Variants in CYP26B1 observed in about 807,000 individuals in gnomAD.
The protein encoded by CYP26B1 is cytochrome P450 family 26 subfamily B member 1, also known as cytochrome P450 26B1.
A neutral mutation model predicts 39.1 loss-of-function variants in CYP26B1; 8 were observed. The observed-to-expected ratio is 0.20, with a 90% CI of 0.12 to 0.37. The LOEUF (loss-of-function observed/expected upper bound fraction) is 0.37. Ranked by LOEUF, CYP26B1 falls within the 10% of genes least tolerant of loss-of-function variation. The probability of loss-of-function intolerance (pLI) is 1.00; values close to 1 mark genes in which losing one functional copy is unlikely to be tolerated. For missense variants in CYP26B1, 615 were observed against 707.0 expected (o/e 0.87, Z 1.48); for synonymous variants, 321 against 314.3 (o/e 1.02, Z -0.23).
intron 2 of CYP26B1, among the ~76,000 whole-genome samples, chr2:72,140,170 T>C (rs1381322353): frequency 1.3e-5 from 2 of 152,062 alleles, no homozygotes; most frequent in Non-Finnish European, 2.9e-5. Context: ...CTCCCTGCCT[T>C]GGGAGAAGGA....
rs374316030 is a variant in CYP26B1, at chr2:72,132,738, C to T, written c.1147-119G>A. On this transcript the variant is annotated intron_variant, in intron 5 of 5. Transcript: ENST00000001146. ...TTCAAGACCTGCCTTTTCTTAGAGA[C>T]ACCCCACTGTGGCCCCCAAGGCCTG... 946 of 1,489,008 alleles carry T rather than the reference C, an allele frequency of 6.4e-4. 6 individuals carry two copies. In the African/African-American group the frequency reaches 0.012, roughly 18 times the overall value. The allele number at this position is 1,489,008 out of a possible 1,614,324, so 92.2% of individuals were successfully genotyped here. A position where few individuals can be genotyped will look rare whatever the true frequency, so the allele number is the denominator to read the frequency against.
intron 2 of CYP26B1, among the ~76,000 whole-genome samples, chr2:72,140,329 G>T (rs1024693638): frequency 6.6e-6 from 1 of 152,232 alleles, no homozygotes; most frequent in Non-Finnish European, 1.5e-5. Context: ...CTGACCTTCA[G>T]ATAGATCCGC....
intron 2 of CYP26B1, among the ~76,000 whole-genome samples, chr2:72,139,228 G>A (rs892229765): frequency 5.9e-5 from 9 of 152,186 alleles, no homozygotes; most frequent in Non-Finnish European, 5.9e-5. Flanking sequence ...CCAAGCCACC[G>A]GAGCCTCGGC....
chr2:72,138,965 T>TC (rs1219947767), intron 2 of CYP26B1, among the ~76,000 whole-genome samples: 1 of 152,170 alleles, frequency 6.6e-6, no homozygotes, highest in Non-Finnish European at 1.5e-5. Context: ...CCAGGCCTCC[T>TC]CACCCCTCCT....
At chr2:72,146,659 A>C (rs1406833640) in intron 1 of CYP26B1, among the ~76,000 whole-genome samples, 1 of 152,218 alleles carries the variant, frequency 6.6e-6, no homozygotes, top group East Asian at 1.9e-4. Flanking sequence ...TGTCAGTTTC[A>C]GGACATCCCT....
At chr2:72,137,841 G>A (rs73942510) in intron 2 of CYP26B1, among the ~76,000 whole-genome samples, 19 of 152,314 alleles carry the variant, frequency 1.2e-4, no homozygotes, top group Admixed American at 4.6e-4. Flanking sequence ...AGAATAAGCC[G>A]GAAAAGCCAC....
intron 1 of CYP26B1, chr2:72,144,540 A>G: frequency 1.4e-6 from 1 of 711,124 alleles, no homozygotes. Flanking sequence ...CCACCCCCAC[A>G]CCCCCACCCC....
chr2:72,143,063 C>T (rs1465957116), intron 2 of CYP26B1: 1 of 167,142 alleles, frequency 6.0e-6, no homozygotes, highest in East Asian at 1.9e-4. Context: ...CCCCACCTCC[C>T]CGGTCTGCCA....
In CYP26B1 at chr2:72,132,344, G is replaced by C. The variant is rs773244226; in HGVS notation, c.1422C>G (p.Ile474Met). The C allele has an allele frequency of 2.5e-6, 4 of 1,610,708 alleles. No individual in the cohort carries two copies. The highest frequency in any genetic ancestry group is 3.4e-6 in the Non-Finnish European group (4 of 1,178,064). ...FELATRTFPR[I>M]TLVPVLHPVD... ...CGGGGTGCAGGACGGGGACCAAGGT[G>C]ATGCGGGGGAAGGTCCGTGTGGCCA... The change falls in exon 6 of 6, where the codon ATC becomes ATG. Residue 474 changes from isoleucine to methionine, a missense_variant. Ile to Met is a conservative substitution (Grantham distance 10). Transcript: ENST00000001146.
chr2:72,142,152 C>T (rs1461016628), intron 2 of CYP26B1, among the ~76,000 whole-genome samples: 1 of 152,040 alleles, frequency 6.6e-6, no homozygotes, highest in Non-Finnish European at 1.5e-5. Context: ...TCTCCCTCCC[C>T]TCTAAATGGA....
chr2:72,138,255 C>T (rs922150666), intron 2 of CYP26B1, among the ~76,000 whole-genome samples: 6 of 152,132 alleles, frequency 3.9e-5, no homozygotes, highest in Admixed American at 3.3e-4. Flanking sequence ...GGTCTGTGCC[C>T]GGGGGGTAAC....
At chr2:72,142,027 T>G (rs1209329721) in intron 2 of CYP26B1, among the ~76,000 whole-genome samples, 1 of 152,082 alleles carries the variant, frequency 6.6e-6, no homozygotes, top group Non-Finnish European at 1.5e-5. Flanking sequence ...CTGTTCTGAA[T>G]AGGGAGCCAT....
chr2:72,134,736 C>T (rs2241058), intron 4 of CYP26B1, 25 bp downstream of exon 4: 22 of 1,602,924 alleles, frequency 1.4e-5, no homozygotes, highest in Non-Finnish European at 1.9e-5. Context: ...TGGTGCTGCC[C>T]GTGAGGGGCA....
chr2:72,142,091 C>G (rs1676959502), intron 2 of CYP26B1, among the ~76,000 whole-genome samples: 1 of 151,956 alleles, frequency 6.6e-6, no homozygotes. Flanking sequence ...CCAGCATCCC[C>G]CCTTCCCCCC....
Position 72,135,301 on chromosome 2 carries a change from T to C in CYP26B1, c.548A>G (p.Gln183Arg), listed in dbSNP as rs1426591266. The C allele has an allele frequency of 6.2e-7, 1 of 1,614,108 alleles. No homozygotes were observed. Among genetic ancestry groups the C allele is most frequent in the Non-Finnish European group, 8.5e-7 (1 of 1,180,034 alleles). The change falls in exon 3 of 6, where the codon CAG becomes CGG. Residue 183 changes from glutamine (Q) to arginine (R), a missense_variant. By Grantham distance (43) the Gln-to-Arg change is conservative. Coordinates refer to ENST00000001146, the MANE Select transcript of CYP26B1 (RefSeq NM_019885.4). ...GCGGAAGGTCAGCTTCTGCGCCTCC[T>C]GGTACACGTTGATGGCCTCGGGGTG... ...SSHPEAINVY[Q>R]EAQKLTFRMA...
At position 72,147,497 on chromosome 2, in the gene CYP26B1, A is replaced by G. The variant is rs915576150; in HGVS notation, c.204+134T>C. 1.1e-6 allele frequency: 1 copy of G among 895,440 alleles called. No homozygotes were observed. The allele number at this position is 895,440 out of a possible 1,614,324, so 55.5% of individuals were successfully genotyped here. On this transcript the variant is annotated intron_variant, in intron 1 of 5. Transcript: ENST00000001146. This position sits in a 1 kb window ranked among gnomAD's most constrained non-coding sequence, Gnocchi z 6.1. ...CTGGGGAAGCCCGGGCTGCTGCGGC[A>G]GAGAGGAGGGAAGGGGCGGGGCGGG... is the stretch of plus-strand genomic sequence containing the variant.
At chr2:72,132,884 G>A (rs532663733) in intron 5 of CYP26B1, 139 bp downstream of exon 5, 539 of 1,443,176 alleles carry the variant, frequency 3.7e-4, no homozygotes, top group Non-Finnish European at 4.7e-4. Flanking sequence ...TTCTCCCATC[G>A]GACTGAAAGC....
In CYP26B1 at chr2:72,147,492, G is replaced by T; in HGVS notation, c.204+139C>A. On this transcript the variant is annotated intron_variant, in intron 1 of 5. Transcript: ENST00000001146. This position sits in a 1 kb window ranked among gnomAD's most constrained non-coding sequence, Gnocchi z 6.1. ...GCGGGCTGGGGAAGCCCGGGCTGCT[G>T]CGGCAGAGAGGAGGGAAGGGGCGGG... is the stretch of plus-strand genomic sequence containing the variant. 1 of 884,544 alleles carries T rather than the reference G, an allele frequency of 1.1e-6. No individual in the cohort carries two copies. The highest frequency in any genetic ancestry group is 1.6e-6 in the Non-Finnish European group (1 of 631,380). 54.8% of individuals were successfully genotyped at this position (884,544 alleles called of 1,614,324 possible).
rs933675464 is a variant in CYP26B1 at position 72,147,448 on chromosome 2, T to C, written c.204+183A>G. On this transcript the variant is annotated intron_variant, in intron 1 of 5. Transcript: ENST00000001146. This position sits in a 1 kb window ranked among gnomAD's most constrained non-coding sequence, Gnocchi z 6.1. ...GAACCTGCGCCGCGGGCGCCAGTGG[T>C]CCCGGAACCGCGCTGCCGGCGGGCT... Among the ~76,000 whole-genome samples, 1 of 151,932 alleles carries C rather than the reference T, an allele frequency of 6.6e-6. No individual in the cohort carries two copies. Among genetic ancestry groups the C allele is most frequent in the South Asian group, 2.1e-4 (1 of 4,814 alleles).
Sources: allele counts gnomAD v4.1 joint callset (sites outside exome capture counted in the v4.1 genomes callset), GRCh38; gene constraint gnomAD v4.1.1; non-coding constraint Gnocchi (gnomAD v3.1); transcripts MANE v1.5; gene names NCBI Gene and HGNC (gene_info 2026-07-23, HGNC 2026-07-21).